FSTL4: variants seen among roughly 807,000 people sequenced by gnomAD.
FSTL4 encodes follistatin-related protein 4.
Under a neutral mutation model 78.2 loss-of-function variants are expected in FSTL4, and 28 were observed. That is an observed-to-expected ratio of 0.36 (90% confidence interval 0.27 to 0.49). The LOEUF (loss-of-function observed/expected upper bound fraction) is 0.49, where lower values mean the gene tolerates loss of function less well. Ranked by LOEUF, FSTL4 falls within the 20% of genes least tolerant of loss-of-function variation. The pLI is 0.98. For missense variants in FSTL4, 922 were observed against 1,084.9 expected, an observed-to-expected ratio of 0.85 and a Z score of 2.11; for synonymous variants, 422 against 440.5, an observed-to-expected ratio of 0.96 and a Z score of 0.53.
chr5:133,454,662 C>T (rs1757448706), intron 3 of FSTL4, among the ~76,000 whole-genome samples: 1 of 152,182 alleles, frequency 6.6e-6, no homozygotes, highest in East Asian at 1.9e-4. Flanking sequence ...ATGAGGCAGC[C>T]GAGCGCGAGT....
At chr5:133,815,778 G>C in the FSTL4 span, among the ~76,000 whole-genome samples, 1 of 152,118 alleles carries the variant, frequency 6.6e-6, no homozygotes, top group African/African-American at 2.4e-5. Context: ...TCCACAGGCG[G>C]GAAAGTTTAG....
chr5:133,364,277 C>A (rs116759074), intron 4 of FSTL4, among the ~76,000 whole-genome samples: 1 of 145,798 alleles, frequency 6.9e-6, no homozygotes, highest in Non-Finnish European at 1.5e-5. Context: ...AACTAAAGCC[C>A]GGTTCTGTTG....
At position 133,197,590 on chromosome 5, in the gene FSTL4, T is replaced by C. The variant is rs911264886; in HGVS notation, c.*1505A>G. On this transcript the variant is annotated 3_prime_UTR_variant, in exon 16 of 16. Transcript: ENST00000265342. ...GTTGAGAGTGACACAGAGTCTAGGGTTTCCTCTCCTTGAAAGAGTTCATTC... is the reference window on the plus strand; with the variant it reads ...GTTGAGAGTGACACAGAGTCTAGGGCTTCCTCTCCTTGAAAGAGTTCATTC... The C allele has an allele frequency of 6.6e-6, 1 of 152,148 alleles. No individual in the cohort carries two copies. The highest frequency in any genetic ancestry group is 2.4e-5 in the African/African-American group (1 of 41,384). The allele number at this position is 152,148 out of a possible 1,614,324, so 9.4% of individuals were successfully genotyped here.
At chr5:133,719,672 TAAAAA>T in the FSTL4 span, among the ~76,000 whole-genome samples, 4 of 102,068 alleles carry the variant, frequency 3.9e-5, no homozygotes, top group East Asian at 2.8e-4. Context: ...AAACTCCATC[TAAAAA>T]AAAAAAAAAA....
chr5:133,262,332 T>G (rs59697097), intron 6 of FSTL4, among the ~76,000 whole-genome samples: 29,217 of 152,174 alleles, frequency 0.19, 7,420 homozygotes, highest in African/African-American at 0.59. Context: ...ACTGATTCTG[T>G]CTGCTTTACA....
At chr5:133,386,702 TG>T (rs1201367268) in intron 4 of FSTL4, among the ~76,000 whole-genome samples, 2 of 151,958 alleles carry the variant, frequency 1.3e-5, no homozygotes, top group Admixed American at 6.6e-5. Context: ...GGGGCAGAGG[TG>T]GGGACACTGG....
At chr5:133,674,732 C>T in the FSTL4 span, among the ~76,000 whole-genome samples, 1 of 151,910 alleles carries the variant, frequency 6.6e-6, no homozygotes, top group African/African-American at 2.4e-5. Flanking sequence ...CAGTGGTGCA[C>T]AATAAATTCA....
At chr5:133,732,218 A>G in the FSTL4 span, among the ~76,000 whole-genome samples, 1 of 152,180 alleles carries the variant, frequency 6.6e-6, no homozygotes, top group South Asian at 2.1e-4. Flanking sequence ...CTTGTTTACT[A>G]GAGTGAGAAG....
intron 4 of FSTL4, among the ~76,000 whole-genome samples, chr5:133,341,492 T>G (rs1754581494): frequency 6.6e-6 from 1 of 151,980 alleles, no homozygotes; most frequent in Admixed American, 6.6e-5. Context: ...AGCCCCTGTG[T>G]GAGTGCATGT....
At chr5:133,297,476 C>T (rs1457838438) in intron 6 of FSTL4, among the ~76,000 whole-genome samples, 1 of 152,204 alleles carries the variant, frequency 6.6e-6, no homozygotes, top group African/African-American at 2.4e-5. Context: ...TGGGTAACCG[C>T]AGGCAATGAC....
At chr5:133,635,588 AC>A in the FSTL4 span, among the ~76,000 whole-genome samples, 1 of 152,096 alleles carries the variant, frequency 6.6e-6, no homozygotes, top group South Asian at 2.1e-4. Context: ...ACATGGAGAA[AC>A]CCCATCTCTA....
the FSTL4 span, among the ~76,000 whole-genome samples, chr5:133,752,259 T>A: frequency 2.0e-5 from 3 of 152,148 alleles, no homozygotes; most frequent in African/African-American, 7.2e-5. Flanking sequence ...AAGAGCGAAG[T>A]CAGCAGCTTA....
intron 2 of FSTL4, among the ~76,000 whole-genome samples, chr5:133,570,752 A>G (rs1247395078): frequency 6.6e-6 from 1 of 152,252 alleles, no homozygotes; most frequent in Non-Finnish European, 1.5e-5. Flanking sequence ...GGCATCCAAC[A>G]GCAACAAAAG....
At chr5:133,818,157 C>T in the FSTL4 span, among the ~76,000 whole-genome samples, 2 of 152,248 alleles carry the variant, frequency 1.3e-5, no homozygotes, top group African/African-American at 4.8e-5. Context: ...TGAATCACAT[C>T]TTACCTCATC....
chr5:133,498,473 C>A (rs1215908712), intron 3 of FSTL4, among the ~76,000 whole-genome samples: 1 of 152,162 alleles, frequency 6.6e-6, no homozygotes, highest in African/African-American at 2.4e-5. Context: ...AATCCCAGCA[C>A]TTTGGGAGGC....
chr5:133,340,068 G>A lies in FSTL4; in HGVS notation c.410-23416C>T, dbSNP rs566535248. ...TGGGGTGCTGTTTCCCCCCACACTCGTGTTCCAGGCATGGGGAGTCTCAGA... is the reference window on the plus strand; with the variant it reads ...TGGGGTGCTGTTTCCCCCCACACTCATGTTCCAGGCATGGGGAGTCTCAGA... On this transcript the variant is annotated intron_variant, in intron 4 of 15. Transcript: ENST00000265342. Among the ~76,000 whole-genome samples the A allele has an allele frequency of 7.9e-5, 12 of 152,248 alleles. No individual in the cohort carries two copies. The South Asian group carries it at 1.4e-3, about 18-fold the overall frequency.
intron 4 of FSTL4, among the ~76,000 whole-genome samples, chr5:133,380,285 A>T (rs1755537086): frequency 6.6e-6 from 1 of 152,030 alleles, no homozygotes; most frequent in Admixed American, 6.5e-5. Flanking sequence ...CAAAATTGAC[A>T]AAACCTTTAG....
At chr5:133,666,336 G>T in the FSTL4 span, among the ~76,000 whole-genome samples, 8 of 151,848 alleles carry the variant, frequency 5.3e-5, no homozygotes, top group Non-Finnish European at 1.2e-4. Context: ...AAATCTATTT[G>T]GAAGCCTTGA....
intron 7 of FSTL4, among the ~76,000 whole-genome samples, chr5:133,234,514 A>G (rs1424913001): frequency 6.6e-6 from 1 of 152,226 alleles, no homozygotes; most frequent in East Asian, 1.9e-4. Context: ...TGGCCCTTCC[A>G]GGCACCAACT....
Sources: allele counts gnomAD v4.1 joint callset (sites outside exome capture counted in the v4.1 genomes callset), GRCh38; gene constraint gnomAD v4.1.1; transcripts MANE v1.5; gene names NCBI Gene and HGNC (gene_info 2026-07-23, HGNC 2026-07-21).